SETBP1: variants seen among roughly 807,000 people sequenced by gnomAD.
The protein encoded by SETBP1 is SET-binding protein.
In SETBP1, 9 loss-of-function variants were observed where a neutral mutation model predicts 101.0. That is an observed-to-expected ratio of 0.09 (90% CI 0.05 to 0.16). The LOEUF is 0.16. Ranked by LOEUF, SETBP1 falls within the 10% of genes least tolerant of loss-of-function variation. SETBP1 has a pLI of 1.00. For missense variants in SETBP1, 1,858 were observed against 2,033.8 expected, an observed-to-expected ratio of 0.91 and a Z score of 1.66; for synonymous variants, 818 against 788.5, an observed-to-expected ratio of 1.04 and a Z score of -0.63.
At chr18:44,734,648 C>G (rs1290476440) in intron 2 of SETBP1, among the ~76,000 whole-genome samples, 1 of 152,064 alleles carries the variant, frequency 6.6e-6, no homozygotes, top group African/African-American at 2.4e-5. Context: ...CAATACTTAC[C>G]TCTCCTTGAA....
At chr18:44,803,309 G>A (rs750623491) in intron 2 of SETBP1, among the ~76,000 whole-genome samples, 5 of 152,118 alleles carry the variant, frequency 3.3e-5, no homozygotes, top group East Asian at 1.9e-4. Context: ...CCCTTGGCAC[G>A]GCTGTTCCAG....
chr18:44,993,449 A>ACTAAAAGTGATTAAATACAGAAAATCCTT (rs2072423741), intron 4 of SETBP1, among the ~76,000 whole-genome samples: 1 of 152,074 alleles, frequency 6.6e-6, no homozygotes, highest in Non-Finnish European at 1.5e-5. Context: ...AAAGTATAAG[A>ACTAAAAGTGATTAAATACAGAAAATCCTT]CTAAAAGTGA....
chr18:45,020,258 T>TAAAAAA (rs57134217), intron 4 of SETBP1, among the ~76,000 whole-genome samples: 7 of 53,086 alleles, frequency 1.3e-4, no homozygotes, highest in Non-Finnish European at 2.1e-4. Flanking sequence ...GACTCTGTCT[T>TAAAAAA]AAAAAAAAAA....
chr18:44,993,510 T>C (rs780605098), intron 4 of SETBP1, among the ~76,000 whole-genome samples: 16 of 151,992 alleles, frequency 1.1e-4, no homozygotes, highest in Non-Finnish European at 1.3e-4. Context: ...TGCTGATGTA[T>C]AGAAATGAAT....
At chr18:45,000,835 G>A (rs2072603134) in intron 4 of SETBP1, among the ~76,000 whole-genome samples, 1 of 123,470 alleles carries the variant, frequency 8.1e-6, no homozygotes, top group Admixed American at 7.7e-5. Context: ...CTCCTAGGAA[G>A]CTCTGTACTA....
intron 4 of SETBP1, among the ~76,000 whole-genome samples, chr18:45,029,554 C>T (rs1452789423): frequency 6.6e-6 from 1 of 152,144 alleles, no homozygotes. Context: ...TGAAGAAAGT[C>T]ATTGGTAGCT....
intron 3 of SETBP1, among the ~76,000 whole-genome samples, chr18:44,947,704 C>A (rs1261445530): frequency 6.6e-6 from 1 of 152,094 alleles, no homozygotes; most frequent in African/African-American, 2.4e-5. Context: ...TGAGGTTTCT[C>A]CATGTTGGTC....
At chr18:45,020,735 T>C (rs952464107) in intron 4 of SETBP1, among the ~76,000 whole-genome samples, 1 of 152,208 alleles carries the variant, frequency 6.6e-6, no homozygotes, top group South Asian at 2.1e-4. Flanking sequence ...GCAATTTTTT[T>C]TGATGACCAT....
chr18:45,006,766 T>C (rs916693216), intron 4 of SETBP1, among the ~76,000 whole-genome samples: 15 of 152,316 alleles, frequency 9.8e-5, no homozygotes, highest in Admixed American at 8.5e-4. Flanking sequence ...TCCGAGGTAA[T>C]AGGGGTTAAA....
intron 2 of SETBP1, among the ~76,000 whole-genome samples, chr18:44,823,128 C>CA (rs35202604): frequency 6.0e-5 from 9 of 151,104 alleles, no homozygotes; most frequent in Non-Finnish European, 7.4e-5. Context: ...GAGACTTCTC[C>CA]AAAAAAAAGG....
intron 1 of SETBP1, among the ~76,000 whole-genome samples, chr18:44,698,919 G>C (rs1049087741): frequency 1.4e-4 from 21 of 152,014 alleles, no homozygotes. Flanking sequence ...TGTACACGTA[G>C]TAAAATGTAA....
chr18:44,741,828 C>T (rs993030550), intron 2 of SETBP1, among the ~76,000 whole-genome samples: 1 of 152,202 alleles, frequency 6.6e-6, no homozygotes, highest in East Asian at 1.9e-4. Context: ...ATTTTCAACC[C>T]AGCCAGTGCA....
intron 5 of SETBP1, among the ~76,000 whole-genome samples, chr18:45,053,873 G>A (rs117866356): frequency 0.027 from 4,126 of 152,118 alleles, 92 homozygotes; most frequent in Non-Finnish European, 0.037. Flanking sequence ...TATGGTTAAG[G>A]ATAAAGTGAT....
At chr18:44,847,639 G>A (rs565467681) in intron 2 of SETBP1, among the ~76,000 whole-genome samples, 4 of 152,318 alleles carry the variant, frequency 2.6e-5, no homozygotes, top group African/African-American at 9.6e-5. Context: ...CACTGTGGGG[G>A]TAGGGCACTG....
At chr18:44,727,286 G>A (rs947186147) in intron 2 of SETBP1, among the ~76,000 whole-genome samples, 11 of 151,824 alleles carry the variant, frequency 7.2e-5, no homozygotes, top group Non-Finnish European at 1.5e-4. Context: ...CTCTCACTTT[G>A]GGGTGAGAGA....
At chr18:45,002,127 C>A (rs916134817) in intron 4 of SETBP1, among the ~76,000 whole-genome samples, 1 of 152,156 alleles carries the variant, frequency 6.6e-6, no homozygotes, top group African/African-American at 2.4e-5. Context: ...AGTTCCCTGG[C>A]TCCCTGCCCT....
chr18:44,895,891 C>T (rs1485150447), intron 3 of SETBP1, among the ~76,000 whole-genome samples: 1 of 152,036 alleles, frequency 6.6e-6, no homozygotes, highest in Non-Finnish European at 1.5e-5. Context: ...AGAGGCAAAT[C>T]TGAAAACCTT....
At chr18:45,050,547 C>A (rs2073704725) in intron 5 of SETBP1, among the ~76,000 whole-genome samples, 1 of 152,172 alleles carries the variant, frequency 6.6e-6, no homozygotes, top group African/African-American at 2.4e-5. Context: ...TTCCTTGATA[C>A]CTCTTTAAAC....
chr18:44,957,965 A>G (rs1290378814), intron 4 of SETBP1, among the ~76,000 whole-genome samples: 1 of 152,194 alleles, frequency 6.6e-6, no homozygotes, highest in Admixed American at 6.5e-5. Context: ...TGAAAGATTA[A>G]TTAGCTAATG....
Sources: allele counts gnomAD v4.1 joint callset (sites outside exome capture counted in the v4.1 genomes callset), GRCh38; gene constraint gnomAD v4.1.1; transcripts MANE v1.5; gene names NCBI Gene and HGNC (gene_info 2026-07-23, HGNC 2026-07-21).